Variants in LRRC1 observed in about 807,000 individuals in gnomAD.
The protein encoded by LRRC1 is leucine-rich repeat-containing protein 1.
In LRRC1, 28 loss-of-function variants were observed where a neutral mutation model predicts 69.9. That is an observed-to-expected ratio of 0.40 (90% CI 0.30 to 0.55). The LOEUF is 0.55. Among genes scored for constraint, LRRC1 ranks in the 20% least tolerant of loss-of-function variants. The pLI is 0.47. For synonymous variants in LRRC1, 236 were observed against 240.2 expected, an observed-to-expected ratio of 0.98 and a Z score of 0.16; for missense variants, 498 against 609.0, an observed-to-expected ratio of 0.82 and a Z score of 1.92.
chr6:53,834,860 G>A (rs1045110318), intron 1 of LRRC1, among the ~76,000 whole-genome samples: 9 of 152,324 alleles, frequency 5.9e-5, no homozygotes, highest in South Asian at 4.1e-4. Flanking sequence ...TACTCGGGAC[G>A]CTGAGGCAGG....
intron 1 of LRRC1, among the ~76,000 whole-genome samples, chr6:53,821,864 A>G (rs1765123974): frequency 7.7e-6 from 1 of 130,154 alleles, no homozygotes; most frequent in Non-Finnish European, 1.6e-5. Flanking sequence ...TTGCCTTCTA[A>G]TGCTAGTAAT....
At chr6:53,892,000 AT>A (rs1220389024) in intron 4 of LRRC1, among the ~76,000 whole-genome samples, 1,168 of 32,606 alleles carry the variant, frequency 0.036, 18 homozygotes, top group Middle Eastern at 0.086. Context: ...TAAAAAAAAA[AT>A]ATATATATAT....
intron 1 of LRRC1, among the ~76,000 whole-genome samples, chr6:53,831,110 G>A (rs1399515984): frequency 6.6e-6 from 1 of 151,570 alleles, no homozygotes; most frequent in Admixed American, 6.6e-5. Flanking sequence ...TGTATATTTA[G>A]AATATGTTAG....
At position 53,923,862 on chromosome 6, in the gene LRRC1, A is replaced by G. The variant is rs982911346; in HGVS notation, c.*1069A>G. 1 of 152,676 alleles carries G rather than the reference A, an allele frequency of 6.5e-6. No individual in the cohort carries two copies. Among genetic ancestry groups the G allele is most frequent in the Non-Finnish European group, 1.5e-5 (1 of 68,044 alleles). The allele number at this position is 152,676 out of a possible 1,614,324, so 9.5% of individuals were successfully genotyped here. The stretch of plus-strand genomic sequence containing the variant: ...TAAAGCAAAATAACCTACTATCAAA[A>G]TAGAAATGTTGCTATCTTTATAAGT... On this transcript the variant is annotated 3_prime_UTR_variant, in exon 14 of 14. Coordinates refer to ENST00000370888, the MANE Select transcript of LRRC1 (RefSeq NM_018214.5).
At chr6:53,875,807 T>C (rs563629704) in intron 2 of LRRC1, among the ~76,000 whole-genome samples, 35 of 152,322 alleles carry the variant, frequency 2.3e-4, no homozygotes, top group African/African-American at 8.4e-4. Flanking sequence ...GGGTACATAG[T>C]GATGCTTTGA....
chr6:53,836,719 A>G (rs1193446583), intron 1 of LRRC1, among the ~76,000 whole-genome samples: 2 of 152,250 alleles, frequency 1.3e-5, no homozygotes, highest in African/African-American at 2.4e-5. Flanking sequence ...CAAATTATAA[A>G]GTGAACATCT....
intron 12 of LRRC1, among the ~76,000 whole-genome samples, chr6:53,920,211 G>A (rs533820979): frequency 2.1e-4 from 32 of 152,196 alleles, no homozygotes; most frequent in Non-Finnish European, 4.3e-4. Context: ...AGAGAAAAAC[G>A]TGGTGGAGTG....
intron 11 of LRRC1, among the ~76,000 whole-genome samples, chr6:53,915,537 G>T (rs985166317): frequency 6.6e-6 from 1 of 152,172 alleles, no homozygotes; most frequent in African/African-American, 2.4e-5. Context: ...GCAACTCAAT[G>T]AGTCAACATT....
intron 3 of LRRC1, 47 bp from the exon 4 acceptor site, chr6:53,882,840 A>G (rs1454601033): frequency 6.6e-6 from 8 of 1,209,346 alleles, no homozygotes; most frequent in Non-Finnish European, 9.7e-6. Context: ...TACACTATAC[A>G]TGAACTTTTT....
intron 2 of LRRC1, among the ~76,000 whole-genome samples, chr6:53,874,794 T>C (rs1186181304): frequency 6.6e-6 from 1 of 152,146 alleles, no homozygotes; most frequent in Non-Finnish European, 1.5e-5. Context: ...CCAAAATAAA[T>C]GAATTTTTGA....
intron 4 of LRRC1, chr6:53,884,058 G>A: frequency 1.4e-6 from 1 of 714,734 alleles, no homozygotes; most frequent in Admixed American, 2.0e-5. Context: ...TAAAAATTCT[G>A]CCCTTAAACT....
At chr6:53,802,308 G>C (rs930644173) in intron 1 of LRRC1, among the ~76,000 whole-genome samples, 1 of 152,182 alleles carries the variant, frequency 6.6e-6, no homozygotes, top group African/African-American at 2.4e-5. Context: ...TTAGGCCAGA[G>C]GAAAAGATAG....
At chr6:53,800,284 C>G (rs1039175852) in intron 1 of LRRC1, among the ~76,000 whole-genome samples, 9 of 114,344 alleles carry the variant, frequency 7.9e-5, no homozygotes, top group African/African-American at 3.1e-4. Context: ...GACGAAGTCT[C>G]TCTGTCACCC....
At chr6:53,885,751 TAG>T (rs1315286225) in intron 4 of LRRC1, among the ~76,000 whole-genome samples, 2 of 152,144 alleles carry the variant, frequency 1.3e-5, no homozygotes, top group Non-Finnish European at 2.9e-5. Flanking sequence ...AGCCTTTATA[TAG>T]AGTGAGCAGA....
chr6:53,840,921 T>TGC (rs1220657679), intron 1 of LRRC1, among the ~76,000 whole-genome samples: 1 of 144,988 alleles, frequency 6.9e-6, no homozygotes, highest in Non-Finnish European at 1.5e-5. Context: ...TGTGTGTGTG[T>TGC]GTGTGTGCGT....
chr6:53,830,326 C>T (rs946254646), intron 1 of LRRC1, among the ~76,000 whole-genome samples: 1 of 152,208 alleles, frequency 6.6e-6, no homozygotes, highest in African/African-American at 2.4e-5. Flanking sequence ...TAGATGTTAA[C>T]ATCTAATCAG....
chr6:53,797,997 C>T (rs1764351880), intron 1 of LRRC1, among the ~76,000 whole-genome samples: 1 of 152,178 alleles, frequency 6.6e-6, no homozygotes, highest in South Asian at 2.1e-4. Flanking sequence ...ATAACTTAGC[C>T]TTAGCCAAGC....
intron 4 of LRRC1, among the ~76,000 whole-genome samples, chr6:53,891,702 G>A (rs897096927): frequency 6.6e-6 from 1 of 152,028 alleles, no homozygotes; most frequent in Admixed American, 6.6e-5. Flanking sequence ...ATATAAATTG[G>A]CCGGGTGTGA....
intron 8 of LRRC1, 34 bp from the exon 9 acceptor site, chr6:53,902,595 G>T: frequency 2.4e-6 from 3 of 1,273,524 alleles, no homozygotes; most frequent in South Asian, 2.9e-5. Flanking sequence ...TGTAACTAAT[G>T]AATTTGATAA....
Sources: gnomAD v4.1 joint callset for allele counts (sites outside exome capture counted in the v4.1 genomes callset) on GRCh38, gnomAD v4.1.1 for gene constraint, MANE v1.5 for transcripts, NCBI Gene and HGNC (gene_info 2026-07-23, HGNC 2026-07-21) for gene names.